FGF13: variants seen among roughly 807,000 people sequenced by gnomAD.
FGF13 encodes fibroblast growth factor 13.
FGF13 carries 2 observed loss-of-function variants against 19.5 expected under a neutral mutation model. The observed-to-expected ratio is 0.10, with a 90% CI of 0.04 to 0.32. The LOEUF (loss-of-function observed/expected upper bound fraction) is 0.32, where lower values mean the gene tolerates loss of function less well. Ranked by LOEUF, FGF13 falls within the 10% of genes least tolerant of loss-of-function variation. FGF13 has a pLI of 1.00. For missense variants in FGF13, 113 were observed against 192.7 expected (o/e 0.59, Z 2.45); for synonymous variants, 72 against 76.9 (o/e 0.94, Z 0.33).
At chrX:138,768,321 T>C (rs2090516624) in intron 3 of FGF13, among the ~76,000 whole-genome samples, 1 of 112,077 alleles carries the variant, frequency 8.9e-6, no homozygotes, top group South Asian at 3.7e-4. Context: ...AGTCAGATAG[T>C]CCAAGTATGT....
At chrX:139,100,041 A>AAC (rs56821859) in intron 1 of FGF13, among the ~76,000 whole-genome samples, 3,209 of 76,345 alleles carry the variant, frequency 0.042, 79 homozygotes, top group Non-Finnish European at 0.047. Context: ...GGGGAAAGCA[A>AAC]ACACACACAC....
chrX:139,031,743 C>T (rs1383017097), intron 1 of FGF13, among the ~76,000 whole-genome samples: 1 of 108,936 alleles, frequency 9.2e-6, no homozygotes, highest in Non-Finnish European at 1.9e-5. Flanking sequence ...AAACATGCTC[C>T]AGAAGTTTGT....
chrX:138,838,608 G>A lies in FGF13; in HGVS notation c.217+18904C>T, dbSNP rs148295556. Among the ~76,000 whole-genome samples, 512 of 111,885 alleles carry A rather than the reference G, an allele frequency of 4.6e-3. 4 individuals are homozygous for A. The highest frequency in any genetic ancestry group is 0.016 in the African/African-American group (485 of 30,750). ...CTCCATGGGTTGAGTTGTTTCCTTCGTTAGTCCCAATGCGAGTACCTGAAT... is the reference window on the plus strand; with the variant it reads ...CTCCATGGGTTGAGTTGTTTCCTTCATTAGTCCCAATGCGAGTACCTGAAT... On this transcript the variant is annotated intron_variant, in intron 3 of 6. Coordinates refer to the FGF13 transcript ENST00000436198.
At chrX:139,197,044 A>G (rs1379525761) in intron 1 of FGF13, among the ~76,000 whole-genome samples, 1 of 112,338 alleles carries the variant, frequency 8.9e-6, no homozygotes, top group African/African-American at 3.2e-5. Context: ...TGTCAGATTA[A>G]GCCACCAGGA....
chrX:139,005,224 C>T (rs1339890225), intron 1 of FGF13, among the ~76,000 whole-genome samples: 1 of 91,493 alleles, frequency 1.1e-5, no homozygotes, highest in African/African-American at 4.1e-5. Flanking sequence ...CCAGGTGGTA[C>T]AGAACAGACA....
intron 1 of FGF13, among the ~76,000 whole-genome samples, chrX:139,005,593 G>T (rs1348542134): frequency 2.7e-5 from 3 of 109,803 alleles, no homozygotes; most frequent in Non-Finnish European, 5.7e-5. Flanking sequence ...ACTCAATAAG[G>T]CACCAGAGGC....
chrX:138,797,574 G>T (rs900625672), intron 3 of FGF13, among the ~76,000 whole-genome samples: 3 of 107,762 alleles, frequency 2.8e-5, no homozygotes, highest in Non-Finnish European at 5.8e-5. Flanking sequence ...ACTAAAGGTA[G>T]TTTTTTTTTT....
intron 3 of FGF13, among the ~76,000 whole-genome samples, chrX:138,808,079 C>G (rs1329905574): frequency 9.0e-6 from 1 of 111,514 alleles, no homozygotes; most frequent in African/African-American, 3.3e-5. Flanking sequence ...CTCAGCTCTG[C>G]ACCAAGCGGA....
At chrX:139,157,912 C>T (rs1055833280) in intron 1 of FGF13, among the ~76,000 whole-genome samples, 29 of 112,160 alleles carry the variant, frequency 2.6e-4, no homozygotes, top group African/African-American at 9.1e-4. Context: ...GTACCCAGCT[C>T]ATCTCAATGG....
intron 1 of FGF13, among the ~76,000 whole-genome samples, chrX:139,034,613 G>C (rs1170553038): frequency 9.0e-6 from 1 of 111,343 alleles, no homozygotes; most frequent in Non-Finnish European, 1.9e-5. Context: ...ACTAAAATAA[G>C]TGGCTTGTTC....
rs1271115343 is a variant in FGF13, at chrX:138,772,018, G to GTGTA, written c.218-63091_218-63090insTACA. Among the ~76,000 whole-genome samples, 295 of 56,509 alleles carry GTGTA rather than the reference G, an allele frequency of 5.2e-3. 1 individual carries two copies. The highest frequency in any genetic ancestry group is 0.013 in the African/African-American group (239 of 17,781). The allele number at this position is 56,509 out of a possible 115,157, so 49.1% of individuals were successfully genotyped here. A position where few individuals can be genotyped will look rare whatever the true frequency, so the allele number is the denominator to read the frequency against. On this transcript the variant is annotated intron_variant, in intron 3 of 6. Coordinates refer to the FGF13 transcript ENST00000436198. Reference sequence around the variant, plus strand: ...AAAGCAAATATTAAGATACATATGTGTATATATATATATATATATATATAT... The same window carrying GTGTA: ...AAAGCAAATATTAAGATACATATGTGTGTATATATATATATATATATATATATAT...
Position 138,811,601 on chromosome X carries a change from A to T in FGF13, c.217+45911T>A, listed in dbSNP as rs1193655496. On this transcript the variant is annotated intron_variant, in intron 3 of 6. Coordinates refer to the FGF13 transcript ENST00000436198. ...CTAGAATTTAAAGTATAATAATAAT[A>T]AAAAAGAATAAAAAAATAGTTTTCT... Among the ~76,000 whole-genome samples the T allele has an allele frequency of 4.5e-5, 5 of 111,136 alleles. No homozygotes were observed. In the Admixed American group the frequency reaches 4.8e-4, roughly 11 times the overall value.
intron 1 of FGF13, among the ~76,000 whole-genome samples, chrX:138,933,651 C>T (rs1012671770): frequency 1.8e-5 from 2 of 112,211 alleles, no homozygotes; most frequent in African/African-American, 6.5e-5. Flanking sequence ...AAATGTGTGG[C>T]CTTTTAGCAT....
chrX:138,675,015 A>T (rs1481897606), intron 3 of FGF13, among the ~76,000 whole-genome samples: 3 of 111,763 alleles, frequency 2.7e-5, no homozygotes, highest in Non-Finnish European at 5.6e-5. Flanking sequence ...GGTGCAATCA[A>T]GGGAGAACTA....
In FGF13 at chrX:138,781,272, C is replaced by G. The variant is rs758295132; in HGVS notation, c.218-72344G>C. ...ATTAAAAGAACTAGAAAAGCAAGAG[C>G]AAACACATTCAAAAGCTAGCAGAAG... On this transcript the variant is annotated intron_variant, in intron 3 of 6. Coordinates refer to the FGF13 transcript ENST00000436198. Among the ~76,000 whole-genome samples the G allele has an allele frequency of 3.2e-3, 342 of 108,307 alleles. 2 individuals carry two copies. Among genetic ancestry groups the G allele is most frequent in the African/African-American group, 0.012 (340 of 29,409 alleles). The allele number at this position is 108,307 out of a possible 115,157, so 94.1% of individuals were successfully genotyped here. A position where few individuals can be genotyped will look rare whatever the true frequency, so the allele number is the denominator to read the frequency against.
chrX:139,175,116 C>T (rs1308049129), intron 1 of FGF13, among the ~76,000 whole-genome samples: 2 of 111,471 alleles, frequency 1.8e-5, no homozygotes, highest in Non-Finnish European at 3.8e-5. Flanking sequence ...CTTCACATCC[C>T]TTGTAAGTTG....
At chrX:139,134,617 T>C (rs1185179695) in intron 1 of FGF13, among the ~76,000 whole-genome samples, 1 of 111,849 alleles carries the variant, frequency 8.9e-6, no homozygotes, top group East Asian at 2.8e-4. Context: ...CTGTTCATTA[T>C]TGGAGCCCGA....
chrX:138,698,052 T>C (rs750714655), intron 3 of FGF13, among the ~76,000 whole-genome samples: 1 of 110,785 alleles, frequency 9.0e-6, no homozygotes, highest in South Asian at 3.9e-4. Flanking sequence ...ACTCAGCATA[T>C]ATCATGGACA....
intron 1 of FGF13, among the ~76,000 whole-genome samples, chrX:138,994,237 C>T (rs1489741007): frequency 9.0e-6 from 1 of 111,424 alleles, no homozygotes; most frequent in Non-Finnish European, 1.9e-5. Flanking sequence ...CAGATAACCA[C>T]CTACTTGCTG....
Sources: gnomAD v4.1 joint callset for allele counts (sites outside exome capture counted in the v4.1 genomes callset) on GRCh38, gnomAD v4.1.1 for gene constraint, MANE v1.5 for transcripts, NCBI Gene and HGNC (gene_info 2026-07-23, HGNC 2026-07-21) for gene names.